PLCG2: variants seen among roughly 807,000 people sequenced by gnomAD.
PLCG2 encodes the protein 1-phosphatidylinositol 4,5-bisphosphate phosphodiesterase gamma-2.
A neutral mutation model predicts 175.6 loss-of-function variants in PLCG2; 69 were observed. The observed-to-expected ratio is 0.39, with a 90% CI of 0.32 to 0.48. PLCG2 has a LOEUF of 0.48. Ranked by LOEUF, PLCG2 falls within the 20% of genes least tolerant of loss-of-function variation. PLCG2 has a pLI of 0.91. For synonymous variants in PLCG2, 827 were observed against 624.0 expected, an observed-to-expected ratio of 1.33 and a Z score of -4.85; for missense variants, 1,798 against 1,650.9, an observed-to-expected ratio of 1.09 and a Z score of -1.54.
chr16:81,936,385 G>C lies in PLCG2; in HGVS notation c.3052+7G>C, dbSNP rs1567540624. The C allele has an allele frequency of 6.2e-7, 1 of 1,612,128 alleles. No homozygotes were observed. The highest frequency in any genetic ancestry group is 8.5e-7 in the Non-Finnish European group (1 of 1,179,180). The stretch of plus-strand genomic sequence containing the variant: ...CTCAATTTCCAGACGGCAGGTAAAG[G>C]CCGACTGAAGGTAGTCCCGTCCCTG... On this transcript the variant is annotated splice_region_variant and intron_variant, in intron 27 of 32. Transcript: ENST00000564138.
intron 1 of PLCG2, among the ~76,000 whole-genome samples, chr16:81,742,003 G>T (rs1444894282): frequency 4.6e-5 from 7 of 152,086 alleles, no homozygotes; most frequent in Non-Finnish European, 8.8e-5. Flanking sequence ...TGAAATTTGT[G>T]TGCATTCACC....
intron 1 of PLCG2, among the ~76,000 whole-genome samples, chr16:81,746,596 A>G (rs1909712360): frequency 6.6e-6 from 1 of 152,276 alleles, no homozygotes; most frequent in Non-Finnish European, 1.5e-5. Flanking sequence ...TCAATCTCCA[A>G]CCCTAACACC....
At chr16:81,957,857 A>G in intron 32 of PLCG2, 99 bp from the exon 33 acceptor site, 1 of 1,064,664 alleles carries the variant, frequency 9.4e-7, no homozygotes, top group Non-Finnish European at 1.5e-6. Flanking sequence ...TCCAGCTATG[A>G]ATGACTGGCA....
chr16:81,762,497 A>C (rs1012327011), intron 2 of PLCG2, among the ~76,000 whole-genome samples: 2 of 152,094 alleles, frequency 1.3e-5, no homozygotes, highest in African/African-American at 4.8e-5. Context: ...TGATCCTGGT[A>C]GGTGGAGGTT....
At chr16:81,760,756 A>AAAAAT (rs1555562064) in intron 2 of PLCG2, among the ~76,000 whole-genome samples, 1 of 84,494 alleles carries the variant, frequency 1.2e-5, no homozygotes, top group African/African-American at 3.3e-5. Flanking sequence ...ATTAAAAAAA[A>AAAAAT]AAATAATAAT....
At chr16:81,845,608 C>T (rs74543284) in intron 2 of PLCG2, among the ~76,000 whole-genome samples, 13,051 of 152,254 alleles carry the variant, frequency 0.086, 590 homozygotes, top group Non-Finnish European at 0.095. Flanking sequence ...ATTTGCAGCC[C>T]CTGCACTAGA....
intron 24 of PLCG2, among the ~76,000 whole-genome samples, chr16:81,930,416 C>A (rs773665764): frequency 6.6e-6 from 1 of 152,072 alleles, no homozygotes; most frequent in East Asian, 1.9e-4. Context: ...TCCACATTTG[C>A]CTGCACATGG....
intron 2 of PLCG2, among the ~76,000 whole-genome samples, chr16:81,788,216 A>C (rs1567464350): frequency 6.6e-6 from 1 of 152,048 alleles, no homozygotes; most frequent in Non-Finnish European, 1.5e-5. Context: ...ATTATTCTTC[A>C]TTTGTATATA....
At chr16:81,899,289 T>TATATATATAC (rs908648451) in intron 13 of PLCG2, among the ~76,000 whole-genome samples, 64 of 92,418 alleles carry the variant, frequency 6.9e-4, no homozygotes, top group African/African-American at 2.4e-3. Context: ...TATATATATA[T>TATATATATAC]ACACACACAC....
Position 81,801,664 on chromosome 16 carries a change from A to G in PLCG2, c.193+15482A>G, listed in dbSNP as rs546611680. On this transcript the variant is annotated intron_variant, in intron 2 of 32. Transcript: ENST00000564138. ...ATCTCCCATTTTTTCGATATTAGATAGTTGTTTTTTATTTTCTTTAATTTT... is the reference window on the plus strand; with the variant it reads ...ATCTCCCATTTTTTCGATATTAGATGGTTGTTTTTTATTTTCTTTAATTTT... Among the ~76,000 whole-genome samples, 97 of 152,094 alleles carry G rather than the reference A, an allele frequency of 6.4e-4. No homozygotes were observed. In the South Asian group the frequency reaches 0.02, roughly 31 times the overall value.
chr16:81,854,900 A>G (rs1033316825), intron 3 of PLCG2, among the ~76,000 whole-genome samples: 1 of 152,058 alleles, frequency 6.6e-6, no homozygotes, highest in South Asian at 2.1e-4. Context: ...GATAGTTTTA[A>G]CACTGAAGGC....
intron 19 of PLCG2, among the ~76,000 whole-genome samples, chr16:81,914,948 T>A (rs944270909): frequency 2.0e-5 from 3 of 152,220 alleles, no homozygotes; most frequent in Non-Finnish European, 4.4e-5. Context: ...TTCCCTGGTC[T>A]CTACCCACTG....
chr16:81,855,044 T>A (rs1045411096), intron 3 of PLCG2, among the ~76,000 whole-genome samples: 1 of 151,920 alleles, frequency 6.6e-6, no homozygotes, highest in Non-Finnish European at 1.5e-5. Context: ...ACCCTGTCTC[T>A]ACTAAAAATA....
Position 81,939,932 on chromosome 16 carries a change from G to C in PLCG2, c.3354G>C (p.Glu1118Asp). The C allele has an allele frequency of 6.2e-7, 1 of 1,614,062 alleles. No homozygotes were observed. The highest frequency in any genetic ancestry group is 8.5e-7 in the Non-Finnish European group (1 of 1,179,894). The change falls in exon 30 of 33, where the codon GAG (glutamate) becomes GAC (aspartate). Residue 1118 changes from glutamate (E) to aspartate (D), a missense_variant. Coordinates refer to ENST00000564138, the MANE Select transcript of PLCG2 (RefSeq NM_002661.5). ...GLSPIWAPTQ[E>D]KVTFEIYDPN... Reference sequence around the variant, plus strand: ...GCCCTATCTGGGCTCCAACACAGGAGAAGGTGACATTTGAAATTTATGACC... The same window carrying C: ...GCCCTATCTGGGCTCCAACACAGGACAAGGTGACATTTGAAATTTATGACC...
chr16:81,742,040 C>G lies in PLCG2; in HGVS notation c.-145+2655C>G, dbSNP rs371454200. On this transcript the variant is annotated intron_variant, in intron 1 of 5. Transcript: ENST00000565054. ...ACTTCTCCCTATCCTCCCCTCCCTCCTCCCCTTCCCAGCCTCCAGTATTCA... is the reference window on the plus strand; with the variant it reads ...ACTTCTCCCTATCCTCCCCTCCCTCGTCCCCTTCCCAGCCTCCAGTATTCA... Among the ~76,000 whole-genome samples, 4 of 152,054 alleles carry G rather than the reference C, an allele frequency of 2.6e-5. No homozygotes were observed. The East Asian group carries it at 7.7e-4, about 29-fold the overall frequency.
intron 1 of PLCG2, among the ~76,000 whole-genome samples, chr16:81,743,899 T>C (rs1268415647): frequency 6.6e-6 from 1 of 151,772 alleles, no homozygotes; most frequent in African/African-American, 2.4e-5. Context: ...TGCACTGTTA[T>C]CCAGGCTGGA....
At chr16:81,778,071 C>CAAA (rs1567458002), upstream of PLCG2, among the ~76,000 whole-genome samples, 743 of 77,080 alleles carry the variant, frequency 9.6e-3, 57 homozygotes, top group African/African-American at 0.024. Context: ...AAACCAAAAA[C>CAAA]ACACACACAC....
intron 2 of PLCG2, among the ~76,000 whole-genome samples, chr16:81,823,202 G>T (rs116142376): frequency 0.012 from 1,779 of 152,358 alleles, 38 homozygotes; most frequent in African/African-American, 0.041. Flanking sequence ...ATTGTTTTCA[G>T]TTCAGCCTAG....
rs1597123996 is a variant in PLCG2 at position 81,908,372 on chromosome 16, T to C, written c.1558-44T>C. 3 of 1,569,294 alleles carry C rather than the reference T, an allele frequency of 1.9e-6. No individual in the cohort carries two copies. The East Asian group carries it at 6.8e-5, about 35-fold the overall frequency. ...AGGACCTGTCTAGTGATGCTGGGGT[T>C]TGGTCCAAGGCTTTCAGAAACCCCT... is the stretch of plus-strand genomic sequence containing the variant. On this transcript the variant is annotated intron_variant, in intron 16 of 32. Transcript: ENST00000564138.
Sources: allele counts gnomAD v4.1 joint callset (sites outside exome capture counted in the v4.1 genomes callset), GRCh38; gene constraint gnomAD v4.1.1; transcripts MANE v1.5; gene names NCBI Gene and HGNC (gene_info 2026-07-23, HGNC 2026-07-21).